MAPK8IP1: variants seen among roughly 807,000 people sequenced by gnomAD.
MAPK8IP1 encodes the protein C-Jun-amino-terminal kinase-interacting protein 1.
In MAPK8IP1, 17 loss-of-function variants were observed where a neutral mutation model predicts 72.6. The ratio of observed to expected loss-of-function variants is 0.23; its 90% CI spans 0.16 to 0.35. MAPK8IP1 has a LOEUF of 0.35. Among genes scored for constraint, MAPK8IP1 ranks in the 10% least tolerant of loss-of-function variants. The pLI, the probability that MAPK8IP1 is intolerant of heterozygous loss-of-function variation, is 1.00. For missense variants in MAPK8IP1, 789 were observed against 1,009.7 expected, an observed-to-expected ratio of 0.78 and a Z score of 2.96; for synonymous variants, 401 against 443.4, an observed-to-expected ratio of 0.90 and a Z score of 1.20.
chr11:45,898,560 G>A (rs565392321), intron 2 of MAPK8IP1, among the ~76,000 whole-genome samples: 2 of 152,268 alleles, frequency 1.3e-5, no homozygotes, highest in South Asian at 4.1e-4. Flanking sequence ...GAGGGCCTGA[G>A]GCAGACAGGG....
rs757389337 is a variant in MAPK8IP1 at position 45,904,490 on chromosome 11, C to T, written c.1702C>T (p.Arg568Trp). ...AKNSDWVDQFRVKFLGSVQVP... is the reference protein window; with the variant it reads ...AKNSDWVDQFWVKFLGSVQVP... Reference sequence around the variant, plus strand: ...AAACAGTGACTGGGTGGACCAGTTCCGGGTGAAGTTCCTGGGCTCAGTCCA... The same window carrying T: ...AAACAGTGACTGGGTGGACCAGTTCTGGGTGAAGTTCCTGGGCTCAGTCCA... The change falls in exon 8 of 12, where the codon CGG becomes TGG. Residue 568 changes from arginine to tryptophan, a missense_variant. This residue lies in a region of MAPK8IP1 where 188 missense variants were observed against 293.3 expected (regional missense o/e 0.64). Transcript: ENST00000241014. This position sits in a 1 kb window ranked among gnomAD's most constrained non-coding sequence, Gnocchi z 6.4. 52 of 1,614,068 alleles carry T rather than the reference C, an allele frequency of 3.2e-5. No individual in the cohort carries two copies. Among genetic ancestry groups the T allele is most frequent in the South Asian group, 2.0e-4 (18 of 91,088 alleles).
Position 45,904,133 on chromosome 11 carries a change from G to A in MAPK8IP1, c.1638G>A (p.Glu546=). 6.2e-7 allele frequency: 1 copy of A among 1,613,980 alleles called. No homozygotes were observed. The highest frequency in any genetic ancestry group is 2.2e-5 in the East Asian group (1 of 44,878). ...TCTTTCCTGCCTATTACGCCATCGA[G>A]GTCACCAAGGAGCCCGAGCACATGG... ...RGVFPAYYAI[E]VTKEPEHMAA... The change falls in exon 7 of 12, where the codon GAG becomes GAA. Residue 546 remains glutamate, a synonymous_variant. Transcript: ENST00000241014. The surrounding 1 kb of genome is among the most constrained non-coding windows in gnomAD (Gnocchi z 6.4).
At chr11:45,887,546 C>T (rs2086536887) in intron 1 of MAPK8IP1, among the ~76,000 whole-genome samples, 1 of 152,218 alleles carries the variant, frequency 6.6e-6, no homozygotes, top group Non-Finnish European at 1.5e-5. Flanking sequence ...TACACTGGGA[C>T]CCAGGTCTGT....
In MAPK8IP1 at chr11:45,885,667, C is replaced by A. The variant is rs1374605500; in HGVS notation, c.-154C>A. The A allele has an allele frequency of 1.1e-4, 34 of 303,294 alleles. No homozygotes were observed. Among genetic ancestry groups the A allele is most frequent in the Non-Finnish European group, 3.6e-5 (6 of 168,884 alleles). 18.8% of individuals were successfully genotyped at this position (303,294 alleles called of 1,614,324 possible). On this transcript the variant is annotated 5_prime_UTR_variant, in exon 1 of 12. Coordinates refer to ENST00000241014, the MANE Select transcript of MAPK8IP1 (RefSeq NM_005456.4). ...GCTCTCGCCAGTCCCGCGGGCCGTGCGCGGTGCTGTGCCGCGCCCTGCCAG... is the reference window on the plus strand; with the variant it reads ...GCTCTCGCCAGTCCCGCGGGCCGTGAGCGGTGCTGTGCCGCGCCCTGCCAG...
intron 2 of MAPK8IP1, among the ~76,000 whole-genome samples, chr11:45,898,869 C>G (rs559497500): frequency 4.6e-5 from 7 of 152,316 alleles, no homozygotes; most frequent in African/African-American, 1.4e-4. Context: ...GGGATCCCAA[C>G]TATGTCTTTT....
intron 1 of MAPK8IP1, chr11:45,897,065 C>T: frequency 1.8e-6 from 2 of 1,108,550 alleles, no homozygotes; most frequent in South Asian, 1.4e-5. Context: ...TCCTAGGTTC[C>T]CCTGGGGGCT....
Position 45,902,230 on chromosome 11 carries a change from T to A in MAPK8IP1, c.605-142T>A, listed in dbSNP as rs956442105. On this transcript the variant is annotated intron_variant, in intron 4 of 11. Transcript: ENST00000241014. This position sits in a 1 kb window ranked among gnomAD's most constrained non-coding sequence, Gnocchi z 9.3. ...GAGATCAGTGGTGGCATGAGTGAGT[T>A]GACTGGCCCCAGAGCCTGCGAAGGG... 4.1e-6 allele frequency: 4 copies of A among 968,582 alleles called. No homozygotes were observed. The highest frequency in any genetic ancestry group is 6.6e-6 in the Non-Finnish European group (4 of 609,138). 60.0% of individuals were successfully genotyped at this position (968,582 alleles called of 1,614,324 possible). A position where few individuals can be genotyped will look rare whatever the true frequency, so the allele number is the denominator to read the frequency against.
chr11:45,900,489 C>T lies in MAPK8IP1; in HGVS notation c.522+37C>T. The T allele has an allele frequency of 5.2e-6, 8 of 1,529,322 alleles. No homozygotes were observed. Among genetic ancestry groups the T allele is most frequent in the Non-Finnish European group, 7.0e-6 (8 of 1,144,008 alleles). The allele number at this position is 1,529,322 out of a possible 1,614,324, so 94.7% of individuals were successfully genotyped here. ...ACGTGGGGGGCGGCGCCCTGGGCCG[C>T]CGCGGAGATGTGAGGGGGAGCGCAG... On this transcript the variant is annotated intron_variant, in intron 3 of 11. Coordinates refer to ENST00000241014, the MANE Select transcript of MAPK8IP1 (RefSeq NM_005456.4). The surrounding 1 kb of genome is among the most constrained non-coding windows in gnomAD (Gnocchi z 6.5).
intron 2 of MAPK8IP1, among the ~76,000 whole-genome samples, chr11:45,898,780 G>T (rs1423480220): frequency 1.3e-5 from 2 of 152,352 alleles, no homozygotes; most frequent in East Asian, 3.9e-4. Flanking sequence ...TTTGTCATAG[G>T]GAAGATGGCT....
At chr11:45,905,086 C>A (rs773618747) in intron 10 of MAPK8IP1, 45 bp downstream of exon 10, 1 of 1,612,302 alleles carries the variant, frequency 6.2e-7, no homozygotes, top group Non-Finnish European at 8.5e-7. Flanking sequence ...GGGTGGTCTG[C>A]AGCCTTGAGG....
At position 45,885,996 on chromosome 11, in the gene MAPK8IP1, C is replaced by G. The variant is rs908159840; in HGVS notation, c.101+75C>G. Reference sequence around the variant, plus strand: ...CGCATTGGCTGCCCTGCCCGCCCCCCACCCCAGAACCTCGGGAACCCGGGA... The same window carrying G: ...CGCATTGGCTGCCCTGCCCGCCCCCGACCCCAGAACCTCGGGAACCCGGGA... On this transcript the variant is annotated intron_variant, in intron 1 of 11. Coordinates refer to ENST00000241014, the MANE Select transcript of MAPK8IP1 (RefSeq NM_005456.4). The G allele has an allele frequency of 3.3e-5, 29 of 881,848 alleles. No individual in the cohort carries two copies. In the African/African-American group the frequency reaches 4.3e-4, roughly 13 times the overall value. 54.6% of individuals were successfully genotyped at this position (881,848 alleles called of 1,614,324 possible). A position where few individuals can be genotyped will look rare whatever the true frequency, so the allele number is the denominator to read the frequency against.
At chr11:45,899,338 C>G (rs2086631779) in intron 2 of MAPK8IP1, among the ~76,000 whole-genome samples, 1 of 152,278 alleles carries the variant, frequency 6.6e-6, no homozygotes, top group Non-Finnish European at 1.5e-5. Flanking sequence ...GCACTACTGG[C>G]CAGAGGTGTG....
chr11:45,902,334 G>GA lies in MAPK8IP1; in HGVS notation c.605-37dup. On this transcript the variant is annotated intron_variant, in intron 4 of 11. Transcript: ENST00000241014. The surrounding 1 kb of genome is among the most constrained non-coding windows in gnomAD (Gnocchi z 9.3). Reference sequence around the variant, plus strand: ...GCAGGTGCAGGTAGCTGGGAGTTGGGAGAGAGCCCCTGCCTTCATGACCTG... The same window carrying GA: ...GCAGGTGCAGGTAGCTGGGAGTTGGGAAGAGAGCCCCTGCCTTCATGACCTG... 1.3e-6 allele frequency: 2 copies of GA among 1,491,012 alleles called. No homozygotes were observed. The highest frequency in any genetic ancestry group is 1.8e-6 in the Non-Finnish European group (2 of 1,094,208). The allele number at this position is 1,491,012 out of a possible 1,614,324, so 92.4% of individuals were successfully genotyped here.
At position 45,894,147 on chromosome 11, in the gene MAPK8IP1, T is replaced by C. The variant is rs549924333; in HGVS notation, c.102-3938T>C. Among the ~76,000 whole-genome samples the C allele has an allele frequency of 3.9e-5, 6 of 152,284 alleles. No homozygotes were observed. In the South Asian group the frequency reaches 1.2e-3, roughly 32 times the overall value. ...CTGAAGCATAAGGCACCTTTATGTC[T>C]AAGCCTTAGTGTTCCTCATCTGTAA... On this transcript the variant is annotated intron_variant, in intron 1 of 11. Coordinates refer to ENST00000241014, the MANE Select transcript of MAPK8IP1 (RefSeq NM_005456.4).
rs2086684084 is a variant in MAPK8IP1, at chr11:45,904,244, T to C, written c.1666+83T>C. The C allele has an allele frequency of 3.4e-6, 5 of 1,473,948 alleles. No homozygotes were observed. The highest frequency in any genetic ancestry group is 4.7e-6 in the Non-Finnish European group (5 of 1,070,946). The allele number at this position is 1,473,948 out of a possible 1,614,324, so 91.3% of individuals were successfully genotyped here. On this transcript the variant is annotated intron_variant, in intron 7 of 11. Transcript: ENST00000241014. This position sits in a 1 kb window ranked among gnomAD's most constrained non-coding sequence, Gnocchi z 6.4. The stretch of plus-strand genomic sequence containing the variant: ...CTGCTAGGTGAACGTGTACTCCAGA[T>C]CTCAGCCAGCCAGGTGGGGGGCTGA...
Position 45,900,862 on chromosome 11 carries a change from T to C in MAPK8IP1, c.522+410T>C, listed in dbSNP as rs112222803. The stretch of plus-strand genomic sequence containing the variant: ...GGCCTGGAGAAAAGGGCATCTGAAA[T>C]GGTCATCGTGGGGGAGGCCGTGGGA... On this transcript the variant is annotated intron_variant, in intron 3 of 11. Coordinates refer to ENST00000241014, the MANE Select transcript of MAPK8IP1 (RefSeq NM_005456.4). This position sits in a 1 kb window ranked among gnomAD's most constrained non-coding sequence, Gnocchi z 6.5. Among the ~76,000 whole-genome samples the C allele has an allele frequency of 4.7e-3, 718 of 151,518 alleles. 6 individuals are homozygous for C. Among genetic ancestry groups the C allele is most frequent in the African/African-American group, 0.014 (577 of 41,260 alleles).
At chr11:45,898,262 A>G (rs1464813813) in intron 2 of MAPK8IP1, 72 bp downstream of exon 2, 2 of 1,012,776 alleles carry the variant, frequency 2.0e-6, no homozygotes, top group Non-Finnish European at 3.1e-6. Context: ...GGGTATCCCC[A>G]TAGTGACAAA....
In MAPK8IP1 at chr11:45,905,848, C is replaced by T. The variant is rs752366850; in HGVS notation, c.*127C>T. Reference sequence around the variant, plus strand: ...CGCCAGAGGACAAGGAAGTGGGGGCCGCTGGCCCAGGGTAGGGGAGGGTGG... The same window carrying T: ...CGCCAGAGGACAAGGAAGTGGGGGCTGCTGGCCCAGGGTAGGGGAGGGTGG... On this transcript the variant is annotated 3_prime_UTR_variant, in exon 12 of 12. Transcript: ENST00000241014. 4.4e-6 allele frequency: 4 copies of T among 913,420 alleles called. No homozygotes were observed. The highest frequency in any genetic ancestry group is 2.4e-5 in the East Asian group (1 of 41,522). 56.6% of individuals were successfully genotyped at this position (913,420 alleles called of 1,614,324 possible). A position where few individuals can be genotyped will look rare whatever the true frequency, so the allele number is the denominator to read the frequency against.
At chr11:45,898,605 G>A (rs1358572468) in intron 2 of MAPK8IP1, among the ~76,000 whole-genome samples, 1 of 152,194 alleles carries the variant, frequency 6.6e-6, no homozygotes, top group African/African-American at 2.4e-5. Flanking sequence ...CTTTAGGGCA[G>A]GAAGAAACAG....
Sources: gnomAD v4.1 joint callset for allele counts (sites outside exome capture counted in the v4.1 genomes callset) on GRCh38, gnomAD v4.1.1 for gene constraint, gnomAD v4.1.1 regional missense constraint, Gnocchi (gnomAD v3.1) non-coding constraint, MANE v1.5 for transcripts, NCBI Gene and HGNC (gene_info 2026-07-23, HGNC 2026-07-21) for gene names.